Variants in RFX4 observed in about 807,000 individuals in gnomAD.
RFX4 encodes the protein regulatory factor X4, also known as transcription factor RFX4.
In RFX4, 10 loss-of-function variants were observed where a neutral mutation model predicts 95.0. The observed-to-expected ratio is 0.11, with a 90% CI of 0.06 to 0.18. The LOEUF (loss-of-function observed/expected upper bound fraction) is 0.18. Among genes scored for constraint, RFX4 ranks in the 10% least tolerant of loss-of-function variants. RFX4 has a pLI of 1.00. For missense variants in RFX4, 640 were observed against 922.0 expected (o/e 0.69, Z 3.96); for synonymous variants, 321 against 340.7 (o/e 0.94, Z 0.64).
chr12:106,646,019 T>G (rs573931367), intron 3 of RFX4: 1 of 1,124,296 alleles, frequency 8.9e-7, no homozygotes, highest in African/African-American at 1.6e-5. Context: ...ACAACTTTTT[T>G]TAAAAAAAGT....
intron 4 of RFX4, among the ~76,000 whole-genome samples, chr12:106,659,955 G>A (rs1468909324): frequency 1.3e-5 from 2 of 152,152 alleles, no homozygotes; most frequent in Non-Finnish European, 2.9e-5. Context: ...GAATTTTGGA[G>A]AGAAGTCTCA....
chr12:106,717,961 C>A (rs558501417), intron 11 of RFX4, among the ~76,000 whole-genome samples: 1 of 152,366 alleles, frequency 6.6e-6, no homozygotes, highest in South Asian at 2.1e-4. Context: ...TCTGCAAACT[C>A]TTGCTTAGGG....
intron 1 of RFX4, chr12:106,601,476 C>A: frequency 1.0e-6 from 1 of 955,526 alleles, no homozygotes; most frequent in Non-Finnish European, 1.6e-6. Context: ...TCTGGAGCTG[C>A]AATTTCCTAA....
chr12:106,666,974 A>G (rs918169304), intron 4 of RFX4, among the ~76,000 whole-genome samples: 4 of 152,084 alleles, frequency 2.6e-5, no homozygotes, highest in Admixed American at 6.6e-5. Flanking sequence ...GCCGAACATG[A>G]TATGCCAGGT....
chr12:106,592,092 A>T (rs939061012), intron 1 of RFX4, among the ~76,000 whole-genome samples: 1 of 151,996 alleles, frequency 6.6e-6, no homozygotes, highest in Non-Finnish European at 1.5e-5. Context: ...TTCATGCCTG[A>T]CTCCTAAAAG....
intron 9 of RFX4, 53 bp from the exon 10 acceptor site, chr12:106,711,400 G>A: frequency 1.3e-6 from 2 of 1,547,118 alleles, no homozygotes; most frequent in South Asian, 2.2e-5. Flanking sequence ...GAAAATCCAA[G>A]TTAGAATCAT....
chr12:106,718,327 C>T (rs960691939), intron 11 of RFX4, among the ~76,000 whole-genome samples: 2 of 152,220 alleles, frequency 1.3e-5, no homozygotes, highest in Non-Finnish European at 2.9e-5. Context: ...ATCTGTGCCA[C>T]ATGCTTGGTA....
intron 8 of RFX4, among the ~76,000 whole-genome samples, chr12:106,707,737 G>T (rs1414811909): frequency 6.6e-6 from 1 of 152,140 alleles, no homozygotes; most frequent in Non-Finnish European, 1.5e-5. Flanking sequence ...TCTGTGATGT[G>T]GGAGAAAGGG....
intron 15 of RFX4, among the ~76,000 whole-genome samples, chr12:106,739,529 C>T (rs1272199195): frequency 6.6e-6 from 1 of 152,192 alleles, no homozygotes; most frequent in Non-Finnish European, 1.5e-5. Flanking sequence ...ACTAGGAAAA[C>T]AGTCACTCTG....
At chr12:106,632,435 C>T (rs1263123237) in intron 2 of RFX4, among the ~76,000 whole-genome samples, 1 of 152,166 alleles carries the variant, frequency 6.6e-6, no homozygotes, top group African/African-American at 2.4e-5. Context: ...GCATGTCTCC[C>T]AGTGAAAACG....
chr12:106,666,048 T>C (rs2041171270), intron 4 of RFX4, among the ~76,000 whole-genome samples: 1 of 152,076 alleles, frequency 6.6e-6, no homozygotes, highest in African/African-American at 2.4e-5. Context: ...TCTTTTAACA[T>C]TTCTTGCAAG....
chr12:106,600,521 C>G (rs992997790), intron 1 of RFX4, among the ~76,000 whole-genome samples: 1 of 152,152 alleles, frequency 6.6e-6, no homozygotes, highest in Admixed American at 6.5e-5. Context: ...GTAGCCAGCC[C>G]CTGGTGCATG....
At chr12:106,622,414 A>C (rs918530949) in intron 2 of RFX4, among the ~76,000 whole-genome samples, 6 of 151,960 alleles carry the variant, frequency 3.9e-5, no homozygotes, top group African/African-American at 1.4e-4. Flanking sequence ...AAAATTGTAT[A>C]TATGTATATA....
intron 1 of RFX4, among the ~76,000 whole-genome samples, chr12:106,592,373 T>C (rs2039561008): frequency 6.6e-6 from 1 of 152,236 alleles, no homozygotes; most frequent in South Asian, 2.1e-4. Flanking sequence ...GCATTTTATA[T>C]GCCCCTGTTT....
chr12:106,635,824 G>A (rs1365658082), intron 2 of RFX4, among the ~76,000 whole-genome samples: 1 of 152,120 alleles, frequency 6.6e-6, no homozygotes, highest in Non-Finnish European at 1.5e-5. Flanking sequence ...ATCAAAAATT[G>A]TCATTATTTA....
intron 4 of RFX4, among the ~76,000 whole-genome samples, chr12:106,674,522 G>T (rs191391986): frequency 1.1e-4 from 17 of 151,886 alleles, no homozygotes; most frequent in Admixed American, 4.6e-4. Context: ...GTAGAGACGG[G>T]GTTTCACCAT....
chr12:106,666,609 T>G (rs371362839), intron 4 of RFX4, among the ~76,000 whole-genome samples: 1 of 152,350 alleles, frequency 6.6e-6, no homozygotes, highest in East Asian at 1.9e-4. Flanking sequence ...TTTCAGTCTT[T>G]GTTCTCTTCG....
chr12:106,639,675 A>G (rs1208421456), intron 3 of RFX4, among the ~76,000 whole-genome samples: 2 of 152,218 alleles, frequency 1.3e-5, no homozygotes, highest in African/African-American at 4.8e-5. Context: ...ATTTTAATAG[A>G]ATCCATTATT....
chr12:106,591,153 C>T (rs1330412755), intron 1 of RFX4, among the ~76,000 whole-genome samples: 1 of 150,894 alleles, frequency 6.6e-6, no homozygotes, highest in Admixed American at 6.6e-5. Flanking sequence ...TTCTTTTTTT[C>T]ATTAGGGAGA....
Sources: gnomAD v4.1 joint callset for allele counts (sites outside exome capture counted in the v4.1 genomes callset) on GRCh38, gnomAD v4.1.1 for gene constraint, MANE v1.5 for transcripts, NCBI Gene and HGNC (gene_info 2026-07-23, HGNC 2026-07-21) for gene names.